CPEB4: variants seen among roughly 807,000 people sequenced by gnomAD.
The protein encoded by CPEB4 is cytoplasmic polyadenylation element-binding protein 4.
In CPEB4, 12 loss-of-function variants were observed where a neutral mutation model predicts 72.5. That is an observed-to-expected ratio of 0.17 (90% CI 0.11 to 0.27). The LOEUF (loss-of-function observed/expected upper bound fraction) is 0.27, where lower values mean the gene tolerates loss of function less well. Among genes scored for constraint, CPEB4 ranks in the 10% least tolerant of loss-of-function variants. CPEB4 has a pLI of 1.00. For missense variants in CPEB4, 614 were observed against 908.5 expected, an observed-to-expected ratio of 0.68 and a Z score of 4.17; for synonymous variants, 302 against 326.3, an observed-to-expected ratio of 0.93 and a Z score of 0.80.
rs1758369488 is a variant in CPEB4 at position 173,956,134 on chromosome 5, C to T, written c.2187C>T (p.Asn729=). The T allele has an allele frequency of 6.2e-7, 1 of 1,613,326 alleles. No homozygotes were observed. Among genetic ancestry groups the T allele is most frequent in the Non-Finnish European group, 8.5e-7 (1 of 1,179,328 alleles). Residue 729 remains asparagine, a synonymous_variant, in exon 10 of 10, where the codon AAC becomes AAT. Coordinates refer to ENST00000265085, the MANE Select transcript of CPEB4 (RefSeq NM_030627.4). ...DRPRHISFRW[N] is the part of the protein sequence containing the mutation. ...CTCGGCATATTTCATTCCGCTGGAA[C>T]TAAAGGATAACTGCAGTGCTCATTT...
chr5:173,915,399 T>C (rs1581129124), intron 2 of CPEB4, among the ~76,000 whole-genome samples: 1 of 152,164 alleles, frequency 6.6e-6, no homozygotes, highest in South Asian at 2.1e-4. Context: ...GGGGAAAGGG[T>C]TCTCCTCATT....
chr5:173,932,469 T>C lies in CPEB4; in HGVS notation c.1227T>C (p.Tyr409=). The change falls in exon 3 of 10, where the codon TAT becomes TAC. Residue 409 remains tyrosine (Y), a synonymous_variant. Transcript: ENST00000265085. Reference sequence around the variant, plus strand: ...CTTCAGGTCGTCTAAACTATTCATATCCAGGATCCGATAGCTCTCTGCTTA... The same window carrying C: ...CTTCAGGTCGTCTAAACTATTCATACCCAGGATCCGATAGCTCTCTGCTTA... ...DTIKGRLNYS[Y]PGSDSSLLIN... is the part of the protein sequence containing the mutation. 1.9e-6 allele frequency: 3 copies of C among 1,613,048 alleles called. No individual in the cohort carries two copies. Among genetic ancestry groups the C allele is most frequent in the Non-Finnish European group, 2.5e-6 (3 of 1,179,450 alleles).
In CPEB4 at chr5:173,934,948, C is replaced by T. The variant is rs145248755; in HGVS notation, c.1258+2448C>T. Among the ~76,000 whole-genome samples, 537 of 152,228 alleles carry T rather than the reference C, an allele frequency of 3.5e-3. 3 individuals carry two copies. The highest frequency in any genetic ancestry group is 0.011 in the African/African-American group (471 of 41,522). On this transcript the variant is annotated intron_variant, in intron 3 of 9. Transcript: ENST00000265085. ...TGTATTCATTCTTAGTAGCTTTGCT[C>T]TCACTTTAGCTCAGGTTTTGGGGGT...
chr5:173,924,392 C>G (rs985272393), intron 2 of CPEB4, among the ~76,000 whole-genome samples: 1 of 152,118 alleles, frequency 6.6e-6, no homozygotes, highest in Non-Finnish European at 1.5e-5. Flanking sequence ...TGTTTTTAAC[C>G]AAGGACACTA....
chr5:173,923,422 T>C (rs1298674282), intron 2 of CPEB4, among the ~76,000 whole-genome samples: 2 of 152,214 alleles, frequency 1.3e-5, no homozygotes, highest in Non-Finnish European at 2.9e-5. Context: ...CTGACTTAGC[T>C]TGTGGTCCCT....
intron 3 of CPEB4, among the ~76,000 whole-genome samples, chr5:173,938,307 T>C (rs56245789): frequency 0.22 from 33,776 of 152,076 alleles, 4,964 homozygotes; most frequent in Non-Finnish European, 0.31. Context: ...CTCACTGCAA[T>C]CTTTACCTCC....
At chr5:173,931,669 T>C (rs1757451977) in intron 2 of CPEB4, among the ~76,000 whole-genome samples, 1 of 152,216 alleles carries the variant, frequency 6.6e-6, no homozygotes, top group South Asian at 2.1e-4. Flanking sequence ...GGATTTGTAG[T>C]GTAGATAACT....
intron 1 of CPEB4, among the ~76,000 whole-genome samples, chr5:173,908,248 C>G (rs1452376622): frequency 1.3e-5 from 2 of 152,160 alleles, no homozygotes; most frequent in African/African-American, 4.8e-5. Flanking sequence ...TAGTCTGATC[C>G]TGGCCATGTA....
rs1430431746 is a variant in CPEB4 at position 173,958,549 on chromosome 5, CAGAGA to C, written c.*2419_*2423del. On this transcript the variant is annotated 3_prime_UTR_variant, in exon 10 of 10. Transcript: ENST00000265085. ...ACTGGCAATGCTATTTTAGAGTCTG[CAGAGA>C]AGAGAAAGCATGTTGCTTAAACATC... The C allele has an allele frequency of 5.2e-5, 8 of 152,472 alleles. No homozygotes were observed. Among genetic ancestry groups the C allele is most frequent in the Non-Finnish European group, 8.8e-5 (6 of 67,986 alleles). 9.4% of individuals were successfully genotyped at this position (152,472 alleles called of 1,614,324 possible). A position where few individuals can be genotyped will look rare whatever the true frequency, so the allele number is the denominator to read the frequency against.
chr5:173,943,259 T>G (rs1757909867), intron 4 of CPEB4, among the ~76,000 whole-genome samples: 1 of 152,174 alleles, frequency 6.6e-6, no homozygotes, highest in African/African-American at 2.4e-5. Context: ...GGGATTTGGA[T>G]TTGAATCAAA....
chr5:173,939,414 T>C (rs756128015), intron 3 of CPEB4, among the ~76,000 whole-genome samples: 20 of 152,216 alleles, frequency 1.3e-4, no homozygotes, highest in Non-Finnish European at 2.4e-4. Context: ...AATGTGTGGG[T>C]ACTTTGTTTC....
At chr5:173,894,178 A>G (rs2113121987) in intron 1 of CPEB4, among the ~76,000 whole-genome samples, 1 of 152,026 alleles carries the variant, frequency 6.6e-6, no homozygotes, top group South Asian at 2.1e-4. Flanking sequence ...ATTTTTTTGT[A>G]GAGACAGGGT....
At position 173,890,618 on chromosome 5, in the gene CPEB4, C is replaced by G; in HGVS notation, c.885C>G (p.Pro295=). ...GCTACCAGAGTCCGTCACCAACACCCTCCTCTTCCTGGAGCCCGGGCGGTG... is the reference window on the plus strand; with the variant it reads ...GCTACCAGAGTCCGTCACCAACACCGTCCTCTTCCTGGAGCCCGGGCGGTG... ...WSSYQSPSPT[P]SSSWSPGGGG... is the part of the protein sequence containing the mutation. The change falls in exon 1 of 10, where the codon CCC becomes CCG. Residue 295 remains proline, a synonymous_variant. Transcript: ENST00000265085. 4 of 1,614,010 alleles carry G rather than the reference C, an allele frequency of 2.5e-6. No individual in the cohort carries two copies. The highest frequency in any genetic ancestry group is 3.4e-6 in the Non-Finnish European group (4 of 1,179,900).
intron 1 of CPEB4, among the ~76,000 whole-genome samples, chr5:173,899,003 A>G (rs1272942109): frequency 6.6e-6 from 1 of 152,240 alleles, no homozygotes; most frequent in African/African-American, 2.4e-5. Flanking sequence ...CAATTCCTAA[A>G]GTCACTATAC....
chr5:173,926,636 G>A (rs1006557865), intron 2 of CPEB4, among the ~76,000 whole-genome samples: 1 of 152,176 alleles, frequency 6.6e-6, no homozygotes, highest in Non-Finnish European at 1.5e-5. Flanking sequence ...TCTGCAGCTG[G>A]CCTCCAGAGA....
Position 173,900,572 on chromosome 5 carries a change from A to G in CPEB4, c.1125+9714A>G, listed in dbSNP as rs564094962. On this transcript the variant is annotated intron_variant, in intron 1 of 9. Coordinates refer to ENST00000265085, the MANE Select transcript of CPEB4 (RefSeq NM_030627.4). The surrounding 1 kb of genome is among the most constrained non-coding windows in gnomAD (Gnocchi z 4.4). ...AGTATTGTTTACCTGCTTTCCTTGA[A>G]CTAATGACTTCTTGCCCTGAATAGT... Among the ~76,000 whole-genome samples the G allele has an allele frequency of 1.1e-3, 168 of 152,334 alleles. No individual in the cohort carries two copies. The highest frequency in any genetic ancestry group is 1.8e-3 in the Non-Finnish European group (125 of 68,020).
intron 2 of CPEB4, among the ~76,000 whole-genome samples, chr5:173,919,330 CAATT>C (rs1376315124): frequency 2.0e-5 from 3 of 152,050 alleles, no homozygotes; most frequent in Admixed American, 6.5e-5. Flanking sequence ...ATCAGAATGA[CAATT>C]AAGTAGTAAG....
chr5:173,961,302 T>C lies in CPEB4; in HGVS notation c.*5165T>C, dbSNP rs1758542389. 1 of 152,196 alleles carries C rather than the reference T, an allele frequency of 6.6e-6. No homozygotes were observed. The highest frequency in any genetic ancestry group is 2.4e-5 in the African/African-American group (1 of 41,436). 9.4% of individuals were successfully genotyped at this position (152,196 alleles called of 1,614,324 possible). A position where few individuals can be genotyped will look rare whatever the true frequency, so the allele number is the denominator to read the frequency against. ...ATCAAGTCTATAATATTCCTAGGCATTCTGGGATGGTTTCACTATTTTAAG... is the reference window on the plus strand; with the variant it reads ...ATCAAGTCTATAATATTCCTAGGCACTCTGGGATGGTTTCACTATTTTAAG... On this transcript the variant is annotated 3_prime_UTR_variant, in exon 10 of 10. Coordinates refer to ENST00000265085, the MANE Select transcript of CPEB4 (RefSeq NM_030627.4).
At chr5:173,951,991 G>T in intron 8 of CPEB4, 53 bp downstream of exon 8, 7 of 907,670 alleles carry the variant, frequency 7.7e-6, no homozygotes, top group South Asian at 2.7e-5. Context: ...GAAATATGAA[G>T]ATCTTCAGGA....
Sources: gnomAD v4.1 joint callset for allele counts (sites outside exome capture counted in the v4.1 genomes callset) on GRCh38, gnomAD v4.1.1 for gene constraint, Gnocchi (gnomAD v3.1) non-coding constraint, MANE v1.5 for transcripts, NCBI Gene and HGNC (gene_info 2026-07-23, HGNC 2026-07-21) for gene names.